KAZN: variants seen among roughly 807,000 people sequenced by gnomAD.
KAZN encodes the protein kazrin, periplakin interacting protein.
In KAZN, 40 loss-of-function variants were observed where a neutral mutation model predicts 87.4. The ratio of observed to expected loss-of-function variants is 0.46; its 90% CI spans 0.36 to 0.60. The LOEUF is 0.60. Among genes scored for constraint, KAZN ranks in the 20% least tolerant of loss-of-function variants. KAZN has a pLI of 0.00. For missense variants in KAZN, 898 were observed against 1,073.9 expected, an observed-to-expected ratio of 0.84 and a Z score of 2.29; for synonymous variants, 466 against 458.3, an observed-to-expected ratio of 1.02 and a Z score of -0.22.
At chr1:14,279,003 G>A (rs1354075082) in intron 2 of KAZN, among the ~76,000 whole-genome samples, 2 of 129,386 alleles carry the variant, frequency 1.5e-5, no homozygotes, top group Admixed American at 9.5e-5. Flanking sequence ...GGTAGATAAT[G>A]TCTGTTTTGC....
At chr1:14,691,678 G>A (rs562017192) in intron 1 of KAZN, among the ~76,000 whole-genome samples, 14 of 152,116 alleles carry the variant, frequency 9.2e-5, no homozygotes, top group Non-Finnish European at 2.1e-4. Context: ...GTAGATACGG[G>A]GTTTTGCCAT....
rs532029772 is a variant in KAZN at position 14,892,198 on chromosome 1, C to T, written c.227-68486C>T. Among the ~76,000 whole-genome samples the T allele has an allele frequency of 3.3e-5, 5 of 152,162 alleles. No individual in the cohort carries two copies. In the East Asian group the frequency reaches 9.7e-4, roughly 29 times the overall value. ...GGTCTCTAGGGAGCCCAGCCCAGCA[C>T]CTGCCACAAACACTAAATTCTCTCA... On this transcript the variant is annotated intron_variant, in intron 1 of 14. Transcript: ENST00000376030.
At chr1:14,383,357 T>C in intron 2 of KAZN, among the ~76,000 whole-genome samples, 1 of 151,988 alleles carries the variant, frequency 6.6e-6, no homozygotes, top group Non-Finnish European at 1.5e-5. Flanking sequence ...TTGTTGCCAT[T>C]GCTTTTGGTG....
intron 1 of KAZN, among the ~76,000 whole-genome samples, chr1:14,068,500 T>A (rs563564150): frequency 1.3e-5 from 2 of 152,172 alleles, no homozygotes; most frequent in South Asian, 2.1e-4. Flanking sequence ...GCCAGGGATA[T>A]GCATTAAAAA....
At chr1:15,001,452 C>T (rs7517604) in intron 2 of KAZN, among the ~76,000 whole-genome samples, 25,503 of 149,556 alleles carry the variant, frequency 0.17, 2,396 homozygotes, top group East Asian at 0.34. Context: ...GGCGACCGAG[C>T]GAAAATCTGT....
chr1:14,599,028 C>A lies in KAZN; in HGVS notation c.31C>A (p.Arg11Ser). 6.4e-7 allele frequency: 1 copy of A among 1,570,146 alleles called. No individual in the cohort carries two copies. The highest frequency in any genetic ancestry group is 8.6e-7 in the Non-Finnish European group (1 of 1,162,122). MMEDNKQLAL[R>S]IDGAVQSASQ... ...GGAAGACAATAAGCAGCTCGCGCTC[C>A]GCATCGATGGGGCGGTCCAGTCGGC... Residue 11 changes from arginine (R) to serine (S), a missense_variant, in exon 1 of 15, where the codon CGC becomes AGC. Around this residue, in one of 3 missense-constraint regions of KAZN, gnomAD observed 250 missense variants for 263.0 expected, o/e 0.95. Coordinates refer to ENST00000376030, the MANE Select transcript of KAZN (RefSeq NM_201628.3). The surrounding 1 kb of genome is among the most constrained non-coding windows in gnomAD (Gnocchi z 4.4).
At chr1:14,104,718 C>A (rs1318973252) in intron 1 of KAZN, among the ~76,000 whole-genome samples, 2 of 152,166 alleles carry the variant, frequency 1.3e-5, no homozygotes, top group Non-Finnish European at 2.9e-5. Context: ...TTTAGCAGTT[C>A]CCATGAATTT....
chr1:14,399,877 A>G (rs1663238501), intron 2 of KAZN, among the ~76,000 whole-genome samples: 1 of 151,786 alleles, frequency 6.6e-6, no homozygotes, highest in South Asian at 2.1e-4. Context: ...TGGACCATGA[A>G]CTCCTTGAAG....
At chr1:14,549,319 C>T (rs1673358545) in intron 2 of KAZN, among the ~76,000 whole-genome samples, 1 of 152,168 alleles carries the variant, frequency 6.6e-6, no homozygotes, top group South Asian at 2.1e-4. Context: ...AAATACTCAA[C>T]CCACAGTCTC....
At chr1:14,047,278 C>T (rs1557430691) in intron 1 of KAZN, among the ~76,000 whole-genome samples, 1 of 152,210 alleles carries the variant, frequency 6.6e-6, no homozygotes, top group Non-Finnish European at 1.5e-5. Context: ...ATCCTAAGCT[C>T]TAATGAGCAC....
At chr1:14,414,012 G>A (rs965044300) in intron 2 of KAZN, among the ~76,000 whole-genome samples, 2 of 152,154 alleles carry the variant, frequency 1.3e-5, no homozygotes, top group African/African-American at 4.8e-5. Flanking sequence ...ATCATGCCTG[G>A]CAGGAACCTT....
At chr1:14,802,484 A>C (rs1188719833) in intron 1 of KAZN, among the ~76,000 whole-genome samples, 1 of 151,632 alleles carries the variant, frequency 6.6e-6, no homozygotes, top group Non-Finnish European at 1.5e-5. Context: ...TCTGGTTGGC[A>C]CAACTGGTAT....
intron 1 of KAZN, among the ~76,000 whole-genome samples, chr1:14,133,379 AAGAAAGAAAGAAAGAAAG>A (rs1645036362): frequency 1.1e-5 from 1 of 95,120 alleles, no homozygotes; most frequent in African/African-American, 4.0e-5. Context: ...AAAAAAAAAA[AAGAAAGAAAGAAAGAAAG>A]AAAGAAAGAA....
chr1:15,073,583 C>T (rs915622480), intron 8 of KAZN, among the ~76,000 whole-genome samples: 3 of 152,150 alleles, frequency 2.0e-5, no homozygotes, highest in Non-Finnish European at 4.4e-5. Flanking sequence ...GCAGAGGGGA[C>T]GGGCACTCTG....
chr1:14,077,526 A>G (rs996620507), intron 1 of KAZN, among the ~76,000 whole-genome samples: 6 of 152,100 alleles, frequency 3.9e-5, no homozygotes, highest in South Asian at 2.1e-4. Flanking sequence ...CCATCATTCA[A>G]TTGGGGTTGG....
At chr1:14,674,631 C>G (rs889206824) in intron 1 of KAZN, among the ~76,000 whole-genome samples, 4 of 152,218 alleles carry the variant, frequency 2.6e-5, no homozygotes, top group African/African-American at 9.6e-5. Context: ...GACCACTTGT[C>G]CTTGTTCACT....
chr1:14,431,784 C>T (rs1203163614), intron 2 of KAZN, among the ~76,000 whole-genome samples: 1 of 152,148 alleles, frequency 6.6e-6, no homozygotes, highest in African/African-American at 2.4e-5. Flanking sequence ...CCAGTGGCCT[C>T]CAGGGGCTCT....
At chr1:14,976,441 G>A (rs534592856) in intron 2 of KAZN, among the ~76,000 whole-genome samples, 5 of 152,278 alleles carry the variant, frequency 3.3e-5, no homozygotes, top group East Asian at 1.9e-4. Context: ...CCTGAATTCC[G>A]GAGGAACTGC....
intron 1 of KAZN, among the ~76,000 whole-genome samples, chr1:14,934,330 C>T (rs1018110635): frequency 2.6e-5 from 4 of 151,794 alleles, no homozygotes; most frequent in Non-Finnish European, 5.9e-5. Flanking sequence ...CTTCAGCCTC[C>T]CGAGTAGCTG....
Sources: gnomAD v4.1 joint callset for allele counts (sites outside exome capture counted in the v4.1 genomes callset) on GRCh38, gnomAD v4.1.1 for gene constraint, gnomAD v4.1.1 regional missense constraint, Gnocchi (gnomAD v3.1) non-coding constraint, MANE v1.5 for transcripts, NCBI Gene and HGNC (gene_info 2026-07-23, HGNC 2026-07-21) for gene names.